The following BICDL1 variants were observed in gnomAD, a reference collection of about 807,000 sequenced individuals.
BICDL1 encodes BICD family-like cargo adapter 1.
Under a neutral mutation model 76.8 loss-of-function variants are expected in BICDL1, and 20 were observed. The observed-to-expected ratio is 0.26, with a 90% CI of 0.18 to 0.38. The LOEUF is 0.38. BICDL1 is among the 10% of genes least tolerant of loss of function. The pLI, the probability that BICDL1 is intolerant of heterozygous loss-of-function variation, is 1.00. For synonymous variants in BICDL1, 383 were observed against 337.1 expected (o/e 1.14, Z -1.49); for missense variants, 700 against 798.6 (o/e 0.88, Z 1.49).
Position 120,061,764 on chromosome 12 carries a change from T to G in BICDL1, c.700T>G (p.Phe234Val), listed in dbSNP as rs1375013638. 1.2e-6 allele frequency: 2 copies of G among 1,614,196 alleles called. No homozygotes were observed. The highest frequency in any genetic ancestry group is 2.2e-5 in the South Asian group (2 of 91,084). Residue 234 changes from phenylalanine to valine, a missense_variant, in exon 3 of 10, where the codon TTT becomes GTT. Transcript: ENST00000548673. ...SMQVHALRED[F>V]REKNSSTNQH... ...GCAGGTCCACGCCCTCAGAGAAGAC[T>G]TTCGGGAGAAAAACTCATCAACCAA...
chr12:120,064,837 G>A lies in BICDL1; in HGVS notation c.867G>A (p.Arg289=), dbSNP rs1176308954. The change falls in exon 4 of 10, where the codon CGG becomes CGA. Residue 289 remains arginine, a synonymous_variant. Transcript: ENST00000548673. ...GGACCGTGGAGGAGCTACAGGACCG[G>A]GTGCTAATCCTGGAGAGGCAGGGCC... ...LQGTVEELQD[R]VLILERQGHD... The A allele has an allele frequency of 6.2e-7, 1 of 1,613,452 alleles. No individual in the cohort carries two copies.
chr12:120,065,033 C>T (rs559989489), intron 4 of BICDL1, among the ~76,000 whole-genome samples, 154 bp downstream of exon 4: 1 of 152,362 alleles, frequency 6.6e-6, no homozygotes, highest in Non-Finnish European at 1.5e-5. Context: ...CATTCACTAA[C>T]TTGGCTCTTC....
chr12:120,086,264 T>A (rs1874405287), intron 8 of BICDL1, among the ~76,000 whole-genome samples: 1 of 152,220 alleles, frequency 6.6e-6, no homozygotes, highest in Admixed American at 6.5e-5. Flanking sequence ...TCTTTTCCCA[T>A]ACCTTAGAAA....
At chr12:120,075,786 G>A (rs968380263) in intron 7 of BICDL1, among the ~76,000 whole-genome samples, 1 of 152,122 alleles carries the variant, frequency 6.6e-6, no homozygotes, top group Non-Finnish European at 1.5e-5. Flanking sequence ...GGAAAATATC[G>A]GGAGACCCAC....
intron 2 of BICDL1, among the ~76,000 whole-genome samples, chr12:120,007,976 G>T (rs1290616544): frequency 6.6e-6 from 1 of 152,086 alleles, no homozygotes; most frequent in African/African-American, 2.4e-5. Flanking sequence ...TTAAAAGTCT[G>T]CTTCGTTTAC....
chr12:120,029,533 T>C (rs1952378749), intron 2 of BICDL1, among the ~76,000 whole-genome samples: 1 of 152,198 alleles, frequency 6.6e-6, no homozygotes, highest in Non-Finnish European at 1.5e-5. Flanking sequence ...AAAAATGTCT[T>C]ATGGTCAAAT....
chr12:120,071,566 G>A lies in BICDL1; in HGVS notation c.910-56G>A. 2.0e-6 allele frequency: 3 copies of A among 1,537,480 alleles called. No individual in the cohort carries two copies. The highest frequency in any genetic ancestry group is 2.6e-6 in the Non-Finnish European group (3 of 1,142,420). ...AGAAGCATGATCAGGTTGAGGGTCA[G>A]TTTGTCTTGGTTTTTGTGTTTGGTA... On this transcript the variant is annotated intron_variant, in intron 4 of 9. Transcript: ENST00000548673. The surrounding 1 kb of genome is among the most constrained non-coding windows in gnomAD (Gnocchi z 4.8).
At chr12:120,083,209 T>C (rs934184358) in intron 8 of BICDL1, among the ~76,000 whole-genome samples, 1 of 152,176 alleles carries the variant, frequency 6.6e-6, no homozygotes, top group African/African-American at 2.4e-5. Flanking sequence ...TCAGAAACTT[T>C]GGAAACAAAC....
At chr12:120,083,674 TATTGAGATGGAGTCTTGCTCTGTTGCC>T (rs1371446438) in intron 8 of BICDL1, among the ~76,000 whole-genome samples, 1 of 146,992 alleles carries the variant, frequency 6.8e-6, no homozygotes, top group African/African-American at 2.6e-5. Context: ...TTTATTTATT[TATTGAGATGGAGTCTTGCTCTGTTGCC>T]TAGGCTGGAG....
chr12:120,004,773 C>A lies in BICDL1; in HGVS notation c.645+6037C>A, dbSNP rs539254424. Among the ~76,000 whole-genome samples, 3 of 152,270 alleles carry A rather than the reference C, an allele frequency of 2.0e-5. No homozygotes were observed. In the East Asian group the frequency reaches 5.8e-4, roughly 29 times the overall value. On this transcript the variant is annotated intron_variant, in intron 2 of 9. Coordinates refer to ENST00000548673, the MANE Select transcript of BICDL1 (RefSeq NM_001367886.1). ...TACTGAATATTCCTTAGTAGATATT[C>A]AGAAATTCTAGTTTTGCCTCTATCC...
intron 4 of BICDL1, among the ~76,000 whole-genome samples, chr12:120,067,684 A>G (rs1953250253): frequency 6.6e-6 from 1 of 152,186 alleles, no homozygotes; most frequent in African/African-American, 2.4e-5. Context: ...TGCATGAGTA[A>G]TTGAACTAAT....
chr12:120,007,628 G>C (rs1951874497), intron 2 of BICDL1, among the ~76,000 whole-genome samples: 1 of 152,182 alleles, frequency 6.6e-6, no homozygotes, highest in Non-Finnish European at 1.5e-5. Context: ...AAAGAATACA[G>C]TTTGCATACT....
intron 2 of BICDL1, among the ~76,000 whole-genome samples, chr12:120,051,927 TTTGTTGTTG>T (rs144679799): frequency 5.9e-5 from 9 of 151,534 alleles, no homozygotes; most frequent in East Asian, 1.9e-4. Flanking sequence ...TTTCTCAGTC[TTTGTTGTTG>T]TTGTTGTTGT....
At chr12:120,020,100 G>T (rs1202646022) in intron 2 of BICDL1, among the ~76,000 whole-genome samples, 1 of 152,168 alleles carries the variant, frequency 6.6e-6, no homozygotes, top group Non-Finnish European at 1.5e-5. Flanking sequence ...CACCCCCAGT[G>T]CCCATATTTT....
At chr12:120,050,429 G>T (rs1952834176) in intron 2 of BICDL1, among the ~76,000 whole-genome samples, 1 of 150,862 alleles carries the variant, frequency 6.6e-6, no homozygotes, top group African/African-American at 2.4e-5. Context: ...ACCACGCCCA[G>T]CTAATTTTTT....
At chr12:120,002,487 C>T (rs982273276) in intron 2 of BICDL1, among the ~76,000 whole-genome samples, 1 of 152,106 alleles carries the variant, frequency 6.6e-6, no homozygotes, top group Non-Finnish European at 1.5e-5. Flanking sequence ...ATACATAAGC[C>T]TTTGGCCATA....
At chr12:120,065,959 A>G (rs1370698137) in intron 4 of BICDL1, among the ~76,000 whole-genome samples, 1 of 152,204 alleles carries the variant, frequency 6.6e-6, no homozygotes, top group Non-Finnish European at 1.5e-5. Context: ...GTAACTTTCC[A>G]TATATTAATA....
At position 120,066,524 on chromosome 12, in the gene BICDL1, T is replaced by C. The variant is rs547033918; in HGVS notation, c.909+1645T>C. Among the ~76,000 whole-genome samples, 10 of 152,316 alleles carry C rather than the reference T, an allele frequency of 6.6e-5. No individual in the cohort carries two copies. In the East Asian group the frequency reaches 1.9e-3, roughly 29 times the overall value. On this transcript the variant is annotated intron_variant, in intron 4 of 9. Coordinates refer to ENST00000548673, the MANE Select transcript of BICDL1 (RefSeq NM_001367886.1). ...GACCAGCACTGTGGGCTGTACATTCTTTAGCAGCGAGAATCCCGTCATGCC... is the reference window on the plus strand; with the variant it reads ...GACCAGCACTGTGGGCTGTACATTCCTTAGCAGCGAGAATCCCGTCATGCC...
chr12:120,020,978 A>G (rs1417045812), intron 2 of BICDL1, among the ~76,000 whole-genome samples: 1 of 152,170 alleles, frequency 6.6e-6, no homozygotes, highest in Non-Finnish European at 1.5e-5. Flanking sequence ...TTATGTTTCT[A>G]AAGGACTTTT....
Sources: gnomAD v4.1 joint callset for allele counts (sites outside exome capture counted in the v4.1 genomes callset) on GRCh38, gnomAD v4.1.1 for gene constraint, Gnocchi (gnomAD v3.1) non-coding constraint, MANE v1.5 for transcripts, NCBI Gene and HGNC (gene_info 2026-07-23, HGNC 2026-07-21) for gene names.